Variants in LPP observed in about 807,000 individuals in gnomAD.
The protein encoded by LPP is LIM domain containing preferred translocation partner in lipoma.
Under a neutral mutation model 60.4 loss-of-function variants are expected in LPP, and 38 were observed. The ratio of observed to expected loss-of-function variants is 0.63; its 90% confidence interval spans 0.49 to 0.83. The LOEUF is 0.83. Ranked by LOEUF, LPP falls within the 40% of genes least tolerant of loss-of-function variation. The pLI is 0.00. For synonymous variants in LPP, 328 were observed against 290.8 expected, an observed-to-expected ratio of 1.13 and a Z score of -1.30; for missense variants, 902 against 783.6, an observed-to-expected ratio of 1.15 and a Z score of -1.80.
chr3:188,433,605 A>AGC (rs1399577951), intron 4 of LPP, among the ~76,000 whole-genome samples: 1 of 99,604 alleles, frequency 1.0e-5, no homozygotes, highest in Non-Finnish European at 2.1e-5. Context: ...AAAGTGAGAG[A>AGC]GAGAGAGAGA....
chr3:188,154,341 G>A (rs1262620044), intron 1 of LPP, among the ~76,000 whole-genome samples, 89 bp downstream of exon 1: 1 of 152,118 alleles, frequency 6.6e-6, no homozygotes, highest in Non-Finnish European at 1.5e-5. Flanking sequence ...GCGCCTCCGG[G>A]GTGGCAAGAG....
At chr3:188,433,926 C>A (rs1791654305) in intron 4 of LPP, among the ~76,000 whole-genome samples, 2 of 152,040 alleles carry the variant, frequency 1.3e-5, no homozygotes. Context: ...GAAACCCTGT[C>A]TCCTAAAACA....
chr3:188,638,070 AT>A (rs1849216794), intron 7 of LPP, among the ~76,000 whole-genome samples: 1 of 149,106 alleles, frequency 6.7e-6, no homozygotes, highest in African/African-American at 2.5e-5. Flanking sequence ...AAAAAAGAGA[AT>A]TTTAGACCAA....
At chr3:188,185,662 CAT>C (rs1430172722) in intron 1 of LPP, among the ~76,000 whole-genome samples, 1 of 152,212 alleles carries the variant, frequency 6.6e-6, no homozygotes, top group East Asian at 1.9e-4. Context: ...TTTTTCTTCA[CAT>C]GTTTCAATCA....
chr3:188,640,179 T>G (rs1010135050), intron 7 of LPP, among the ~76,000 whole-genome samples: 4 of 150,592 alleles, frequency 2.7e-5, no homozygotes, highest in African/African-American at 9.7e-5. Context: ...CATGGAATAC[T>G]ATGCAGCCAT....
chr3:188,890,001 A>G lies in LPP; in HGVS notation c.*15522A>G, dbSNP rs1771080065. 1 of 212,760 alleles carries G rather than the reference A, an allele frequency of 4.7e-6. No individual in the cohort carries two copies. The highest frequency in any genetic ancestry group is 5.9e-5 in the Admixed American group (1 of 17,042). 13.2% of individuals were successfully genotyped at this position (212,760 alleles called of 1,614,324 possible). A position where few individuals can be genotyped will look rare whatever the true frequency, so the allele number is the denominator to read the frequency against. ...ATACAGAGATTTTTTTTTTCCTTGG[A>G]AACAAATGGACTGGGAAGAAACACA... is the stretch of plus-strand genomic sequence containing the variant. On this transcript the variant is annotated 3_prime_UTR_variant, in exon 12 of 12. Coordinates refer to ENST00000617246, the MANE Select transcript of LPP (RefSeq NM_001375462.1).
chr3:188,611,335 T>G lies in LPP; in HGVS notation c.1113+1491T>G, dbSNP rs182528722. Among the ~76,000 whole-genome samples the G allele has an allele frequency of 3.3e-4, 51 of 152,348 alleles. No individual in the cohort carries two copies. The Middle Eastern group carries it at 0.014, about 41-fold the overall frequency. ...AAGAAATGTTATTACAGTTTTTTATTTCTTTTTAAAATGAATTTGTCCATA... is the reference window on the plus strand; with the variant it reads ...AAGAAATGTTATTACAGTTTTTTATGTCTTTTTAAAATGAATTTGTCCATA... On this transcript the variant is annotated intron_variant, in intron 7 of 11. Coordinates refer to ENST00000617246, the MANE Select transcript of LPP (RefSeq NM_001375462.1).
At chr3:188,600,778 G>T (rs1840992516) in intron 6 of LPP, among the ~76,000 whole-genome samples, 1 of 151,824 alleles carries the variant, frequency 6.6e-6, no homozygotes. Context: ...TCTTCTAGGG[G>T]CCTCCTATAT....
At chr3:188,600,815 G>GTT (rs141954825) in intron 6 of LPP, among the ~76,000 whole-genome samples, 45 of 151,408 alleles carry the variant, frequency 3.0e-4, no homozygotes, top group Middle Eastern at 3.4e-3. Flanking sequence ...TTTGTTTTTT[G>GTT]TTTTTTGTTT....
chr3:188,408,537 T>A (rs1560365711), intron 4 of LPP, among the ~76,000 whole-genome samples: 1 of 152,184 alleles, frequency 6.6e-6, no homozygotes, highest in Admixed American at 6.5e-5. Flanking sequence ...AAATTCTATT[T>A]GTATCACTTT....
At chr3:188,237,272 C>A (rs1173225301) in intron 2 of LPP, among the ~76,000 whole-genome samples, 1 of 152,190 alleles carries the variant, frequency 6.6e-6, no homozygotes, top group African/African-American at 2.4e-5. Context: ...ACCACATCCT[C>A]AGTTATTTCC....
In LPP at chr3:188,154,209, G is replaced by GCCGCCACCGCCA. The variant is rs1553796009; in HGVS notation, c.-225_-224insGCCACCGCCACC. 6.6e-6 allele frequency among the ~76,000 whole-genome samples: 1 copy of GCCGCCACCGCCA among 151,356 alleles called. No individual in the cohort carries two copies. The highest frequency in any genetic ancestry group is 2.0e-4 in the East Asian group (1 of 5,040). ...TCCAGCCGCCGCCGCCGCCGCCGCC[G>GCCGCCACCGCCA]CCGCCACCACCACCGCCGCTGCCCC... On this transcript the variant is annotated 5_prime_UTR_variant, in exon 1 of 12. Transcript: ENST00000617246.
chr3:188,747,865 TG>T (rs1726778512), intron 8 of LPP, among the ~76,000 whole-genome samples: 2 of 152,216 alleles, frequency 1.3e-5, no homozygotes. Flanking sequence ...AGAATGGAAA[TG>T]GCCTTAGGTC....
At chr3:188,179,830 G>GGTCCATTTGACAGATAAT in intron 1 of LPP, 1 of 279,410 alleles carries the variant, frequency 3.6e-6, no homozygotes, top group South Asian at 3.4e-5. Flanking sequence ...TCCTGCCTTG[G>GGTCCATTTGACAGATAAT]GTCCATTTGA....
intron 4 of LPP, among the ~76,000 whole-genome samples, chr3:188,433,494 TC>T (rs143311212): frequency 0.019 from 2,803 of 150,844 alleles, 85 homozygotes; most frequent in African/African-American, 0.062. Context: ...AGAAAATTAC[TC>T]AAACCCAGCC....
chr3:188,268,898 C>T (rs1384342771), intron 2 of LPP, among the ~76,000 whole-genome samples: 1 of 142,340 alleles, frequency 7.0e-6, no homozygotes, highest in East Asian at 2.0e-4. Flanking sequence ...CTCAACAACC[C>T]TATAAGGTAG....
intron 9 of LPP, among the ~76,000 whole-genome samples, chr3:188,794,838 T>C (rs1409003764): frequency 6.6e-6 from 1 of 151,978 alleles, no homozygotes; most frequent in East Asian, 1.9e-4. Context: ...TAGCTAGCCG[T>C]GTTAGAAGTA....
intron 1 of LPP, among the ~76,000 whole-genome samples, chr3:188,166,694 C>T (rs1018041388): frequency 6.6e-6 from 1 of 152,228 alleles, no homozygotes; most frequent in African/African-American, 2.4e-5. Flanking sequence ...CAGATTCTTC[C>T]TGTTCCCTGC....
chr3:188,504,755 G>A (rs1412957239), intron 5 of LPP, among the ~76,000 whole-genome samples: 1 of 150,920 alleles, frequency 6.6e-6, no homozygotes, highest in African/African-American at 2.4e-5. Flanking sequence ...GGTTATCAAG[G>A]TCTGTCTCCC....
Sources: allele counts gnomAD v4.1 joint callset (sites outside exome capture counted in the v4.1 genomes callset), GRCh38; gene constraint gnomAD v4.1.1; transcripts MANE v1.5; gene names NCBI Gene and HGNC (gene_info 2026-07-23, HGNC 2026-07-21).